Variants in CFAP47 observed in about 807,000 individuals in gnomAD.
CFAP47 encodes cilia- and flagella-associated protein 47.
CFAP47 carries 29 observed loss-of-function variants against 148.1 expected under a neutral mutation model. That is an observed-to-expected ratio of 0.20 (90% CI 0.15 to 0.27). The LOEUF is 0.27. Among genes scored for constraint, CFAP47 ranks in the 10% least tolerant of loss-of-function variants. The pLI is 1.00. For synonymous variants in CFAP47, 664 were observed against 577.3 expected, an observed-to-expected ratio of 1.15 and a Z score of -2.15; for missense variants, 1,872 against 1,697.5, an observed-to-expected ratio of 1.10 and a Z score of -1.81.
intron 26 of CFAP47, among the ~76,000 whole-genome samples, chrX:36,049,496 A>ACG (rs1937506753): frequency 9.6e-6 from 1 of 104,683 alleles, no homozygotes; most frequent in Admixed American, 1.0e-4. Context: ...TCTCACACAC[A>ACG]CACACACACA....
chrX:36,079,355 C>T (rs1281164693), intron 29 of CFAP47, among the ~76,000 whole-genome samples: 3 of 111,825 alleles, frequency 2.7e-5, no homozygotes, highest in Non-Finnish European at 3.8e-5. Flanking sequence ...TTCCATATTT[C>T]TTGGAGGCTT....
chrX:36,375,278 C>T, intron 62 of CFAP47: 1 of 173,086 alleles, frequency 5.8e-6, no homozygotes, highest in Non-Finnish European at 1.1e-5. Flanking sequence ...TTTTGATTTC[C>T]TATTTGACCT....
chrX:36,122,110 A>G (rs552304798), intron 33 of CFAP47, among the ~76,000 whole-genome samples: 2 of 111,071 alleles, frequency 1.8e-5, no homozygotes, highest in African/African-American at 6.5e-5. Context: ...ATTACTTTAA[A>G]TATGTCATGC....
rs766959512 is a variant in CFAP47, at chrX:36,033,284, A to G, written c.3651+1937A>G. The stretch of plus-strand genomic sequence containing the variant: ...TTCTGGGAAGCAGAACTTTTGATGA[A>G]GAGGAATTTGGTGGGACAACTGCTT... On this transcript the variant is annotated intron_variant, in intron 23 of 63. Coordinates refer to ENST00000378653, the MANE Select transcript of CFAP47 (RefSeq NM_001304548.2). 5.4e-5 allele frequency among the ~76,000 whole-genome samples: 6 copies of G among 112,000 alleles called. No individual in the cohort carries two copies. The South Asian group carries it at 2.2e-3, about 41-fold the overall frequency.
chrX:36,255,922 A>G (rs1285280982), intron 49 of CFAP47, among the ~76,000 whole-genome samples: 2 of 111,901 alleles, frequency 1.8e-5, no homozygotes, highest in African/African-American at 6.5e-5. Flanking sequence ...GTAAACCTAG[A>G]TATAAAAACA....
intron 13 of CFAP47, among the ~76,000 whole-genome samples, chrX:35,972,784 T>G (rs151091246): frequency 0.023 from 2,532 of 111,570 alleles, 81 homozygotes; most frequent in African/African-American, 0.079. Context: ...GATGGACATT[T>G]AGTTGTTTTC....
intron 8 of CFAP47, among the ~76,000 whole-genome samples, chrX:35,959,676 A>T (rs764821515): frequency 1.4e-4 from 15 of 109,854 alleles, no homozygotes; most frequent in Non-Finnish European, 2.7e-4. Flanking sequence ...GTGTGGTGTC[A>T]CGTGCCTGTA....
intron 37 of CFAP47, among the ~76,000 whole-genome samples, chrX:36,152,629 C>T (rs1939321722): frequency 9.0e-6 from 1 of 111,583 alleles, no homozygotes; most frequent in Non-Finnish European, 1.9e-5. Flanking sequence ...TTGTTCCTAG[C>T]CACCTCTAGA....
Position 35,956,206 on chromosome X carries a change from T to C in CFAP47, c.1410+10T>C, listed in dbSNP as rs762291354. The C allele has an allele frequency of 8.6e-7, 1 of 1,168,813 alleles. No homozygotes were observed. Among genetic ancestry groups the C allele is most frequent in the Non-Finnish European group, 1.2e-6 (1 of 857,930 alleles). The stretch of plus-strand genomic sequence containing the variant: ...TGGAGGGGGTATGGTGGTAAGATAA[T>C]TTTTCTTTGCGTTTACATGGCAGCT... On this transcript the variant is annotated intron_variant, in intron 8 of 63. Transcript: ENST00000378653.
chrX:36,352,803 A>T (rs184278985), intron 59 of CFAP47, among the ~76,000 whole-genome samples: 72 of 109,755 alleles, frequency 6.6e-4, no homozygotes, highest in African/African-American at 2.3e-3. Flanking sequence ...ACCACTGGAG[A>T]TGATAAAATA....
At chrX:36,248,175 ATATTTAT>A (rs1983840902) in intron 48 of CFAP47, among the ~76,000 whole-genome samples, 1 of 106,091 alleles carries the variant, frequency 9.4e-6, no homozygotes, top group Non-Finnish European at 1.9e-5. Context: ...ATTATGTATT[ATATTTAT>A]TATGTATTAT....
At chrX:36,178,953 A>T (rs1939718310) in intron 39 of CFAP47, among the ~76,000 whole-genome samples, 2 of 112,357 alleles carry the variant, frequency 1.8e-5, no homozygotes, top group South Asian at 7.3e-4. Flanking sequence ...CCTGAAAGAA[A>T]CATTTTTCTT....
chrX:36,129,024 T>C (rs1186876569), intron 33 of CFAP47, among the ~76,000 whole-genome samples: 2 of 110,125 alleles, frequency 1.8e-5, no homozygotes, highest in African/African-American at 6.6e-5. Context: ...AGAGTTTCTG[T>C]GTTAGTGATA....
chrX:36,085,758 A>C (rs1256948556), intron 30 of CFAP47, among the ~76,000 whole-genome samples: 4 of 109,344 alleles, frequency 3.7e-5, no homozygotes, highest in Admixed American at 1.0e-4. Context: ...TATAATGCTT[A>C]ATAGCCAATA....
chrX:36,267,848 G>C (rs1036715015), intron 49 of CFAP47, among the ~76,000 whole-genome samples: 2 of 112,024 alleles, frequency 1.8e-5, no homozygotes, highest in African/African-American at 6.5e-5. Flanking sequence ...TGTGGAGATC[G>C]TATATTTGGT....
At chrX:36,378,623 T>C (rs1046854110) in intron 62 of CFAP47, among the ~76,000 whole-genome samples, 2 of 111,964 alleles carry the variant, frequency 1.8e-5, no homozygotes, top group East Asian at 2.8e-4. Context: ...TACTGCAACC[T>C]CTGCCTCCCG....
rs1939723748 is a variant in CFAP47 at position 36,179,385 on chromosome X, A to G, written c.6067A>G (p.Thr2023Ala). 3.4e-6 allele frequency: 1 copy of G among 295,811 alleles called. No homozygotes were observed. The highest frequency in any genetic ancestry group is 6.2e-5 in the Admixed American group (1 of 16,184). The allele number at this position is 295,811 out of a possible 1,213,427, so 24.4% of individuals were successfully genotyped here. The change falls in exon 40 of 64, where the codon ACG becomes GCG. Residue 2023 changes from threonine to alanine, a missense_variant. Transcript: ENST00000378653. Reference sequence around the variant, plus strand: ...ATCCTCAACATTTGTCTCTTCGCCAACGAAGTTAACTGAATCCAGGCAATA... The same window carrying G: ...ATCCTCAACATTTGTCTCTTCGCCAGCGAAGTTAACTGAATCCAGGCAATA... ...VESSTFVSSP[T>A]KLTESRQYPK... is the part of the protein sequence containing the mutation.
chrX:36,206,327 TC>T (rs1940038004), intron 45 of CFAP47, among the ~76,000 whole-genome samples: 1 of 111,662 alleles, frequency 9.0e-6, no homozygotes, highest in African/African-American at 3.2e-5. Flanking sequence ...AACTTTTTAA[TC>T]CCTTTTGAGA....
In CFAP47 at chrX:36,299,019, A is replaced by G. The variant is rs1449983453; in HGVS notation, c.7729A>G (p.Arg2577Gly). ...IEIPLSNPKD[R>G]GLHLEVQLTS... ...AATACCTCTCTCTAATCCAAAAGAT[A>G]GAGGTCTTCACTTAGAGGTGCAGTT... Residue 2577 changes from arginine (R) to glycine (G), a missense_variant, in exon 52 of 64, where the codon AGA (arginine) becomes GGA (glycine). Physicochemically the swap from Arg to Gly is moderately radical, Grantham distance 125 (BLOSUM62 -2). Coordinates refer to ENST00000378653, the MANE Select transcript of CFAP47 (RefSeq NM_001304548.2). 6 of 1,153,045 alleles carry G rather than the reference A, an allele frequency of 5.2e-6. No homozygotes were observed. Among genetic ancestry groups the G allele is most frequent in the Non-Finnish European group, 5.8e-6 (5 of 862,180 alleles).
Sources: gnomAD v4.1 joint callset for allele counts (sites outside exome capture counted in the v4.1 genomes callset) on GRCh38, gnomAD v4.1.1 for gene constraint, MANE v1.5 for transcripts, NCBI Gene and HGNC (gene_info 2026-07-23, HGNC 2026-07-21) for gene names.